The following NAMPT variants were observed in gnomAD, a reference collection of about 807,000 sequenced individuals.
NAMPT encodes the protein NAmPRTase.
Under a neutral mutation model 58.7 loss-of-function variants are expected in NAMPT, and 7 were observed. That is an observed-to-expected ratio of 0.12 (90% CI 0.07 to 0.22). The LOEUF (loss-of-function observed/expected upper bound fraction) is 0.22. Ranked by LOEUF, NAMPT falls within the 10% of genes least tolerant of loss-of-function variation. The pLI is 1.00. For missense variants in NAMPT, 271 were observed against 567.9 expected, an observed-to-expected ratio of 0.48 and a Z score of 5.31; for synonymous variants, 145 against 198.1, an observed-to-expected ratio of 0.73 and a Z score of 2.25.
At chr7:106,256,779 C>A (rs1046800093) in intron 8 of NAMPT, among the ~76,000 whole-genome samples, 3 of 152,148 alleles carry the variant, frequency 2.0e-5, no homozygotes, top group Non-Finnish European at 4.4e-5. Flanking sequence ...TTCCACTTAA[C>A]GTTTTCAACT....
At chr7:106,285,132 C>A, upstream of NAMPT, 3 of 1,298,784 alleles carry the variant, frequency 2.3e-6, no homozygotes, top group South Asian at 3.9e-5. Context: ...CTCCCCACCT[C>A]GGTTCCCCCG....
chr7:106,251,408 C>G (rs1269484572), intron 10 of NAMPT, among the ~76,000 whole-genome samples: 1 of 152,042 alleles, frequency 6.6e-6, no homozygotes, highest in Admixed American at 6.6e-5. Context: ...TATTTAACTT[C>G]TATGAAAAGG....
chr7:106,273,998 C>T (rs1430952992), intron 3 of NAMPT, among the ~76,000 whole-genome samples: 1 of 151,684 alleles, frequency 6.6e-6, no homozygotes, highest in African/African-American at 2.4e-5. Flanking sequence ...AGATTCCATT[C>T]CCAACTGATC....
chr7:106,284,636 C>T (rs1792832111), intron 1 of NAMPT, 192 bp downstream of exon 1: 1 of 516,698 alleles, frequency 1.9e-6, no homozygotes, highest in Non-Finnish European at 2.7e-6. Flanking sequence ...CCTCAAGCCA[C>T]CTCCTGCCCA....
At position 106,284,864 on chromosome 7, in the gene NAMPT, G is replaced by A; in HGVS notation, c.21C>T (p.Ala7=). The A allele has an allele frequency of 1.3e-6, 2 of 1,581,332 alleles. No homozygotes were observed. The highest frequency in any genetic ancestry group is 2.3e-5 in the East Asian group (1 of 43,294). MNPAAE[A]EFNILLATDS... is the part of the protein sequence containing the mutation. ...CGGTGGCCAGGAGGATGTTGAACTC[G>A]GCTTCTGCCGCAGGATTCATCTCGG... Residue 7 remains alanine (A), a synonymous_variant, in exon 1 of 11, where the codon GCC becomes GCT. Transcript: ENST00000222553.
At chr7:106,257,237 T>C (rs1023850613) in intron 8 of NAMPT, among the ~76,000 whole-genome samples, 3 of 152,118 alleles carry the variant, frequency 2.0e-5, no homozygotes, top group Admixed American at 6.5e-5. Context: ...TGTTTAAGTT[T>C]CACTAATGCC....
intron 8 of NAMPT, among the ~76,000 whole-genome samples, chr7:106,259,980 G>C (rs936277709): frequency 6.9e-6 from 1 of 144,672 alleles, no homozygotes; most frequent in Non-Finnish European, 1.5e-5. Context: ...AGGCTTTGTT[G>C]TTCCATTTAT....
At chr7:106,273,334 A>AATTT (rs1792574454) in intron 3 of NAMPT, among the ~76,000 whole-genome samples, 1 of 152,220 alleles carries the variant, frequency 6.6e-6, no homozygotes, top group Non-Finnish European at 1.5e-5. Flanking sequence ...CTCCCTTTTA[A>AATTT]AGCTAAGAGC....
chr7:106,259,454 G>A (rs1038196468), intron 8 of NAMPT, among the ~76,000 whole-genome samples: 3 of 152,126 alleles, frequency 2.0e-5, no homozygotes. Context: ...TTGAGACGGA[G>A]TTTCACTCTG....
chr7:106,284,828 C>T lies in NAMPT; in HGVS notation c.57G>A (p.Lys19=). The change falls in exon 1 of 11, where the codon AAG becomes AAA. Residue 19 remains lysine (K), a splice_region_variant and synonymous_variant. Coordinates refer to ENST00000222553, the MANE Select transcript of NAMPT (RefSeq NM_005746.3). ...FNILLATDSY[K]VTHYKQYPPN... ...CATCTGCCCGGGCCCCGAGCTTTAC[C>T]TTGTAGGAGTCGGTGGCCAGGAGGA... The T allele has an allele frequency of 6.4e-7, 1 of 1,556,276 alleles. No homozygotes were observed. The highest frequency in any genetic ancestry group is 8.7e-7 in the Non-Finnish European group (1 of 1,149,012).
intron 1 of NAMPT, among the ~76,000 whole-genome samples, chr7:106,281,023 T>C (rs1422542959): frequency 3.3e-5 from 5 of 150,644 alleles, no homozygotes; most frequent in Non-Finnish European, 7.4e-5. Context: ...ATTTACTTCA[T>C]GAAAGGATAA....
intron 8 of NAMPT, among the ~76,000 whole-genome samples, chr7:106,260,917 A>C (rs1792290776): frequency 6.6e-6 from 1 of 152,206 alleles, no homozygotes. Flanking sequence ...GAAGATCACT[A>C]ATCACAGATC....
chr7:106,268,799 C>T (rs1463712173), intron 5 of NAMPT, among the ~76,000 whole-genome samples, 199 bp from the exon 6 acceptor site: 1 of 152,184 alleles, frequency 6.6e-6, no homozygotes. Context: ...AAAAAATCAA[C>T]TATTATCTCC....
chr7:106,257,479 A>G (rs1792222963), intron 8 of NAMPT, among the ~76,000 whole-genome samples: 1 of 151,430 alleles, frequency 6.6e-6, no homozygotes, highest in African/African-American at 2.4e-5. Context: ...AAAAAAAAAA[A>G]AAAGAGTCAG....
intron 2 of NAMPT, chr7:106,275,615 A>G (rs1293234960): frequency 6.6e-6 from 1 of 152,278 alleles, no homozygotes; most frequent in Non-Finnish European, 1.5e-5. Flanking sequence ...TAGAATAGGT[A>G]ATCAATACAT....
rs1792842992 is a variant in NAMPT at position 106,284,962 on chromosome 7, G to A, written c.-78C>T. Reference sequence around the variant, plus strand: ...AGGAAGGAGAAAAATGAGCTTCACCGCGCTCCGTTGCTTAAGTCACTGCTC... The same window carrying A: ...AGGAAGGAGAAAAATGAGCTTCACCACGCTCCGTTGCTTAAGTCACTGCTC... On this transcript the variant is annotated 5_prime_UTR_variant, in exon 1 of 11. Coordinates refer to ENST00000222553, the MANE Select transcript of NAMPT (RefSeq NM_005746.3). 17 of 1,535,506 alleles carry A rather than the reference G, an allele frequency of 1.1e-5. No homozygotes were observed. Among genetic ancestry groups the A allele is most frequent in the Non-Finnish European group, 1.5e-5 (17 of 1,135,776 alleles).
At chr7:106,257,175 C>A (rs952665590) in intron 8 of NAMPT, among the ~76,000 whole-genome samples, 1 of 151,662 alleles carries the variant, frequency 6.6e-6, no homozygotes, top group Non-Finnish European at 1.5e-5. Context: ...GATATTTTTC[C>A]TTCCTGAGTA....
chr7:106,284,958 C>A lies in NAMPT; in HGVS notation c.-74G>T. 1 of 1,540,286 alleles carries A rather than the reference C, an allele frequency of 6.5e-7. No individual in the cohort carries two copies. The highest frequency in any genetic ancestry group is 8.8e-7 in the Non-Finnish European group (1 of 1,138,684). On this transcript the variant is annotated 5_prime_UTR_variant, in exon 1 of 11. Transcript: ENST00000222553. ...TGCGAGGAAGGAGAAAAATGAGCTT[C>A]ACCGCGCTCCGTTGCTTAAGTCACT... is the stretch of plus-strand genomic sequence containing the variant.
rs10248687 is a variant in NAMPT, at chr7:106,263,057, T to C, written c.969+335A>G. 6.8e-3 allele frequency: 1,973 copies of C among 291,932 alleles called. 45 individuals are homozygous for C. Among genetic ancestry groups the C allele is most frequent in the African/African-American group, 0.041 (1,869 of 46,056 alleles). 18.1% of individuals were successfully genotyped at this position (291,932 alleles called of 1,614,324 possible). A position where few individuals can be genotyped will look rare whatever the true frequency, so the allele number is the denominator to read the frequency against. ...ACTTCAAAGGTCTAGCAGTGACTTA[T>C]GCTGAAAAAGAAACAAACTGCAAAT... On this transcript the variant is annotated intron_variant, in intron 7 of 10. Coordinates refer to ENST00000222553, the MANE Select transcript of NAMPT (RefSeq NM_005746.3).
Sources: allele counts gnomAD v4.1 joint callset (sites outside exome capture counted in the v4.1 genomes callset), GRCh38; gene constraint gnomAD v4.1.1; transcripts MANE v1.5; gene names NCBI Gene and HGNC (gene_info 2026-07-23, HGNC 2026-07-21).